Variants in UNC13C observed in about 807,000 individuals in gnomAD.
UNC13C encodes the protein unc-13 homolog C, also known as protein unc-13 homolog C.
Under a neutral mutation model 245.4 loss-of-function variants are expected in UNC13C, and 174 were observed. That is an observed-to-expected ratio of 0.71 (90% CI 0.63 to 0.80). The LOEUF is 0.80. UNC13C is among the 30% of genes least tolerant of loss of function. The pLI is 0.00. For synonymous variants in UNC13C, 992 were observed against 895.1 expected, an observed-to-expected ratio of 1.11 and a Z score of -1.93; for missense variants, 2,829 against 2,602.9, an observed-to-expected ratio of 1.09 and a Z score of -1.89.
intron 1 of UNC13C, among the ~76,000 whole-genome samples, chr15:53,992,581 G>C (rs1174341358): frequency 6.6e-6 from 1 of 152,064 alleles, no homozygotes; most frequent in Admixed American, 6.6e-5. Context: ...AATTAACCCA[G>C]ATGTCCTATC....
intron 14 of UNC13C, among the ~76,000 whole-genome samples, chr15:54,329,864 C>A (rs1190359350): frequency 2.0e-5 from 3 of 152,004 alleles, no homozygotes; most frequent in Non-Finnish European, 2.9e-5. Context: ...AGTCAGAAAT[C>A]TTTTCAACTC....
chr15:54,516,387 T>G (rs1894975941), intron 24 of UNC13C, among the ~76,000 whole-genome samples: 1 of 152,186 alleles, frequency 6.6e-6, no homozygotes, highest in South Asian at 2.1e-4. Flanking sequence ...CTACCCCCAG[T>G]GTATTTGATT....
At chr15:54,409,880 G>C (rs897157850) in intron 18 of UNC13C, among the ~76,000 whole-genome samples, 1 of 152,022 alleles carries the variant, frequency 6.6e-6, no homozygotes, top group Non-Finnish European at 1.5e-5. Flanking sequence ...ATTTGTTTTG[G>C]TTATATTCCC....
chr15:54,470,187 A>G (rs1596439840), intron 19 of UNC13C, among the ~76,000 whole-genome samples: 1 of 151,720 alleles, frequency 6.6e-6, no homozygotes, highest in South Asian at 2.1e-4. Flanking sequence ...ATTTTTGCCC[A>G]TCTATGTTCA....
At chr15:54,114,715 T>A (rs2030102445) in intron 2 of UNC13C, among the ~76,000 whole-genome samples, 1 of 152,182 alleles carries the variant, frequency 6.6e-6, no homozygotes, top group African/African-American at 2.4e-5. Context: ...AGAGGAAGAA[T>A]TTTGGGGCAA....
chr15:54,117,740 C>T (rs937806517), intron 2 of UNC13C, among the ~76,000 whole-genome samples: 2 of 151,996 alleles, frequency 1.3e-5, no homozygotes, highest in African/African-American at 4.8e-5. Flanking sequence ...GCCACTAGTG[C>T]AGCTATTTTT....
At chr15:54,576,282 G>A (rs1004550562) in intron 30 of UNC13C, among the ~76,000 whole-genome samples, 8 of 152,128 alleles carry the variant, frequency 5.3e-5, no homozygotes, top group African/African-American at 1.2e-4. Context: ...TCTCACACTC[G>A]TTTTCATCCG....
chr15:54,192,921 A>AC, intron 4 of UNC13C, among the ~76,000 whole-genome samples: 1 of 147,462 alleles, frequency 6.8e-6, no homozygotes, highest in African/African-American at 2.5e-5. Flanking sequence ...CACACACACA[A>AC]ACACAAACAA....
At chr15:53,975,422 A>G (rs1041392085), upstream of UNC13C, among the ~76,000 whole-genome samples, 39 of 152,246 alleles carry the variant, frequency 2.6e-4, no homozygotes, top group African/African-American at 8.9e-4. Flanking sequence ...ACAGAGAGCC[A>G]ATGATTGGTC....
At chr15:54,553,506 A>T (rs1312324677) in intron 28 of UNC13C, among the ~76,000 whole-genome samples, 1 of 139,852 alleles carries the variant, frequency 7.2e-6, no homozygotes, top group Non-Finnish European at 1.5e-5. Flanking sequence ...AATATATATT[A>T]AATATATGCT....
At chr15:53,964,423 A>G in the UNC13C span, among the ~76,000 whole-genome samples, 53 of 152,326 alleles carry the variant, frequency 3.5e-4, no homozygotes, top group East Asian at 6.9e-3. Context: ...ACTTGCACAG[A>G]GCTATCCCTA....
chr15:54,059,452 A>G (rs1316554694), intron 2 of UNC13C, among the ~76,000 whole-genome samples: 2 of 152,168 alleles, frequency 1.3e-5, no homozygotes, highest in Admixed American at 6.5e-5. Flanking sequence ...CCACTGCTCA[A>G]TGAAATAAAA....
chr15:54,278,030 G>T (rs4776220), intron 10 of UNC13C, among the ~76,000 whole-genome samples: 67,823 of 151,842 alleles, frequency 0.45, 16,196 homozygotes, highest in African/African-American at 0.61. Context: ...TATGGAAAAG[G>T]GATCAGCGTG....
chr15:53,942,052 G>C, the UNC13C span, among the ~76,000 whole-genome samples: 1 of 152,074 alleles, frequency 6.6e-6, no homozygotes, highest in Admixed American at 6.6e-5. Context: ...TCCCGTTACT[G>C]GATATATACC....
chr15:54,061,973 C>A lies in UNC13C; in HGVS notation c.2983+46087C>A, dbSNP rs545002323. Among the ~76,000 whole-genome samples, 3 of 152,246 alleles carry A rather than the reference C, an allele frequency of 2.0e-5. No homozygotes were observed. In the South Asian group the frequency reaches 6.2e-4, roughly 32 times the overall value. ...TCATATACCAAGAACTTAAATTATT[C>A]ATTCATGCCAAGATGGGGAGTGACT... is the stretch of plus-strand genomic sequence containing the variant. On this transcript the variant is annotated intron_variant, in intron 2 of 32. Coordinates refer to ENST00000260323, the MANE Select transcript of UNC13C (RefSeq NM_001080534.3).
intron 17 of UNC13C, among the ~76,000 whole-genome samples, chr15:54,345,775 A>C (rs2038846237): frequency 6.6e-6 from 1 of 152,166 alleles, no homozygotes; most frequent in South Asian, 2.1e-4. Flanking sequence ...ATTTACTCAG[A>C]GGATGAAGTC....
intron 4 of UNC13C, among the ~76,000 whole-genome samples, chr15:54,173,363 T>C (rs1055969215): frequency 6.6e-6 from 1 of 152,088 alleles, no homozygotes; most frequent in South Asian, 2.1e-4. Context: ...ATGTAATGTG[T>C]CTCCATTTAT....
chr15:54,340,498 A>G (rs1388281984), intron 17 of UNC13C, among the ~76,000 whole-genome samples: 1 of 152,044 alleles, frequency 6.6e-6, no homozygotes, highest in African/African-American at 2.4e-5. Flanking sequence ...TCATTTTCCT[A>G]CATGTGGCTT....
At chr15:54,028,797 TCTC>T (rs1274274854) in intron 2 of UNC13C, among the ~76,000 whole-genome samples, 6 of 146,884 alleles carry the variant, frequency 4.1e-5, no homozygotes, top group Admixed American at 2.9e-4. Context: ...TTCACACTCT[TCTC>T]CTGCCTCAGC....
Sources: gnomAD v4.1 joint callset for allele counts (sites outside exome capture counted in the v4.1 genomes callset) on GRCh38, gnomAD v4.1.1 for gene constraint, MANE v1.5 for transcripts, NCBI Gene and HGNC (gene_info 2026-07-23, HGNC 2026-07-21) for gene names.